Variants in ARHGEF40 observed in about 807,000 individuals in gnomAD.
The protein encoded by ARHGEF40 is Rho guanine nucleotide exchange factor 40.
Under a neutral mutation model 165.9 loss-of-function variants are expected in ARHGEF40, and 98 were observed. The observed-to-expected ratio is 0.59, with a 90% CI of 0.50 to 0.70. The LOEUF is 0.70. ARHGEF40 is among the 30% of genes least tolerant of loss of function. The pLI, the probability that ARHGEF40 is intolerant of heterozygous loss-of-function variation, is 0.00. For synonymous variants in ARHGEF40, 792 were observed against 814.3 expected, an observed-to-expected ratio of 0.97 and a Z score of 0.47; for missense variants, 1,815 against 1,968.0, an observed-to-expected ratio of 0.92 and a Z score of 1.47.
upstream of ARHGEF40, among the ~76,000 whole-genome samples, chr14:21,068,637 C>T (rs1886420318): frequency 6.6e-6 from 1 of 152,148 alleles, no homozygotes. Flanking sequence ...AAATCTCACT[C>T]TCCTAGCTCG....
intron 18 of ARHGEF40, 48 bp downstream of exon 18, chr14:21,084,971 T>A: frequency 6.3e-7 from 1 of 1,587,188 alleles, no homozygotes; most frequent in Non-Finnish European, 8.6e-7. Flanking sequence ...GTCATTCTCT[T>A]CTTGAGAACT....
At chr14:21,082,575 C>G in intron 15 of ARHGEF40, 97 bp downstream of exon 15, 1 of 1,348,806 alleles carries the variant, frequency 7.4e-7, no homozygotes, top group Non-Finnish European at 9.9e-7. Context: ...CCCTCTCCTC[C>G]CATGTGTGGT....
chr14:21,088,178 C>G lies in ARHGEF40; in HGVS notation c.4518+80C>G, dbSNP rs1305312558. The stretch of plus-strand genomic sequence containing the variant: ...ATGGGCTTTTCTGATCATTCAACCC[C>G]AGGGGGGTTGGGGGAAAACTGTGAA... On this transcript the variant is annotated intron_variant, in intron 22 of 23. Coordinates refer to ENST00000298694, the MANE Select transcript of ARHGEF40 (RefSeq NM_018071.5). 2.0e-6 allele frequency: 3 copies of G among 1,498,110 alleles called. No individual in the cohort carries two copies. In the East Asian group the frequency reaches 7.1e-5, roughly 35 times the overall value. 92.8% of individuals were successfully genotyped at this position (1,498,110 alleles called of 1,614,324 possible). A position where few individuals can be genotyped will look rare whatever the true frequency, so the allele number is the denominator to read the frequency against.
chr14:21,072,938 T>C lies in ARHGEF40; in HGVS notation c.4-107T>C. ...GAGTGCTCACTTTTTGCCCACATTGTACAATCGGGGCTTTGGAGAACACAG... is the reference window on the plus strand; with the variant it reads ...GAGTGCTCACTTTTTGCCCACATTGCACAATCGGGGCTTTGGAGAACACAG... On this transcript the variant is annotated intron_variant, in intron 1 of 23. Coordinates refer to ENST00000298694, the MANE Select transcript of ARHGEF40 (RefSeq NM_018071.5). The surrounding 1 kb of genome is among the most constrained non-coding windows in gnomAD (Gnocchi z 4.1). 3 of 1,173,656 alleles carry C rather than the reference T, an allele frequency of 2.6e-6. No individual in the cohort carries two copies. The highest frequency in any genetic ancestry group is 3.6e-6 in the Non-Finnish European group (3 of 822,294). The allele number at this position is 1,173,656 out of a possible 1,614,324, so 72.7% of individuals were successfully genotyped here. A position where few individuals can be genotyped will look rare whatever the true frequency, so the allele number is the denominator to read the frequency against.
rs893330864 is a variant in ARHGEF40, at chr14:21,081,799, G to T, written c.2931G>T (p.Gly977=). The part of the protein sequence containing the change: ...RRRADGASSG[G]AQWGPRSPSP... ...GGGCAGACGGTGCCAGCAGTGGAGG[G>T]GCCCAGTGGGGGCCCCGCAGCCCCT... Residue 977 remains glycine (G), a synonymous_variant, in exon 14 of 24, where the codon GGG becomes GGT. Transcript: ENST00000298694. The T allele has an allele frequency of 5.0e-6, 8 of 1,600,360 alleles. No homozygotes were observed. In the African/African-American group the frequency reaches 8.1e-5, roughly 16 times the overall value.
chr14:21,074,070 G>A lies in ARHGEF40; in HGVS notation c.340G>A (p.Ala114Thr). The A allele has an allele frequency of 6.2e-7, 1 of 1,614,134 alleles. No individual in the cohort carries two copies. Among genetic ancestry groups the A allele is most frequent in the South Asian group, 1.1e-5 (1 of 91,086 alleles). ...CTATCTGCAGGTGGTGCCCTCAGCT[G>A]CCCAAGCACCCCGACTAGCACTCAA... ...DFYLQVVPSA[A>T]QAPRLALKCL... Residue 114 changes from alanine (A) to threonine (T), a missense_variant, in exon 3 of 24, where the codon GCC (alanine) becomes ACC (threonine). Ala to Thr is a moderately conservative substitution (Grantham distance 58, BLOSUM62 0). Coordinates refer to ENST00000298694, the MANE Select transcript of ARHGEF40 (RefSeq NM_018071.5). The surrounding 1 kb of genome is among the most constrained non-coding windows in gnomAD (Gnocchi z 4.8).
chr14:21,078,854 A>C, intron 10 of ARHGEF40, 30 bp from the exon 11 acceptor site: 1 of 1,601,522 alleles, frequency 6.2e-7, no homozygotes, highest in Non-Finnish European at 8.6e-7. Flanking sequence ...AACAAGGGAA[A>C]TGATTCATTC....
rs747859875 is a variant in ARHGEF40 at position 21,082,095 on chromosome 14, G to A, written c.3227G>A (p.Arg1076Gln). Residue 1076 changes from arginine to glutamine, a missense_variant, in exon 14 of 24, where the codon CGG becomes CAG. By Grantham distance (43) the Arg-to-Gln change is conservative. Transcript: ENST00000298694. ...GGACCCTGGGGAGTAGGCACCCCCC[G>A]GATGGAGCGCAAGCGAAGCATCAGG... ...PDGPWGVGTPRMERKRSISAQ... is the reference protein window; with the variant it reads ...PDGPWGVGTPQMERKRSISAQ... 1.5e-5 allele frequency: 24 copies of A among 1,562,162 alleles called. No homozygotes were observed. The highest frequency in any genetic ancestry group is 1.6e-5 in the Non-Finnish European group (19 of 1,153,310).
At chr14:21,083,715 G>A in intron 16 of ARHGEF40, 120 bp from the exon 17 acceptor site, 2 of 854,960 alleles carry the variant, frequency 2.3e-6, no homozygotes, top group Non-Finnish European at 3.5e-6. Context: ...ACTTTAGGGA[G>A]CATCTGGGCT....
chr14:21,082,798 C>G (rs137962557), intron 15 of ARHGEF40, 33 bp from the exon 16 acceptor site: 14 of 1,605,016 alleles, frequency 8.7e-6, no homozygotes, highest in Admixed American at 8.4e-5. Flanking sequence ...GCGGCCTCAC[C>G]GGGGACTCCT....
chr14:21,076,766 C>T lies in ARHGEF40; in HGVS notation c.1918-8C>T, dbSNP rs377061412. The stretch of plus-strand genomic sequence containing the variant: ...CCAGGAAGAAACCCCCTGCCTTACC[C>T]TCTACAGGGTGCTGAGGTGCTGTCA... On this transcript the variant is annotated splice_region_variant and splice_polypyrimidine_tract_variant and intron_variant, in intron 7 of 23. Coordinates refer to ENST00000298694, the MANE Select transcript of ARHGEF40 (RefSeq NM_018071.5). 1.1e-4 allele frequency: 179 copies of T among 1,613,876 alleles called. No individual in the cohort carries two copies. In the African/African-American group the frequency reaches 2.1e-3, roughly 19 times the overall value.
At chr14:21,084,097 G>T in intron 17 of ARHGEF40, 47 bp downstream of exon 17, 1 of 1,529,540 alleles carries the variant, frequency 6.5e-7, no homozygotes, top group Non-Finnish European at 8.8e-7. Flanking sequence ...CCCAGCCCTG[G>T]CCTCAGAAGC....
Position 21,070,465 on chromosome 14 carries a change from G to C in ARHGEF40, c.3+66G>C, listed in dbSNP as rs1886642732. The C allele has an allele frequency of 1.5e-6, 2 of 1,346,248 alleles. No homozygotes were observed. The highest frequency in any genetic ancestry group is 1.9e-6 in the Non-Finnish European group (2 of 1,054,476). The allele number at this position is 1,346,248 out of a possible 1,614,324, so 83.4% of individuals were successfully genotyped here. On this transcript the variant is annotated intron_variant, in intron 1 of 23. Transcript: ENST00000298694. The surrounding 1 kb of genome is among the most constrained non-coding windows in gnomAD (Gnocchi z 4.7). ...CGCGCAGCCCGCTCCGGGCCCCCAA[G>C]TCCTCAGCCTGGTGCCTCCCGAGCC...
chr14:21,073,198 G>A lies in ARHGEF40; in HGVS notation c.157G>A (p.Val53Ile). The A allele has an allele frequency of 3.1e-6, 5 of 1,613,856 alleles. No individual in the cohort carries two copies. The highest frequency in any genetic ancestry group is 4.2e-6 in the Non-Finnish European group (5 of 1,179,926). Residue 53 changes from valine (V) to isoleucine (I), a missense_variant, in exon 2 of 24, where the codon GTA becomes ATA. Coordinates refer to ENST00000298694, the MANE Select transcript of ARHGEF40 (RefSeq NM_018071.5). This position sits in a 1 kb window ranked among gnomAD's most constrained non-coding sequence, Gnocchi z 4.6. ...ACTGAGGTACACGCTGGACTTCCTG[G>A]TACCAGCCAAGCACCTGCTTGCCAA... ...DALRYTLDFL[V>I]PAKHLLAKVQ...
upstream of ARHGEF40, among the ~76,000 whole-genome samples, chr14:21,065,622 A>G (rs769007384): frequency 5.3e-5 from 8 of 152,222 alleles, no homozygotes; most frequent in Non-Finnish European, 1.0e-4. Context: ...TGGGTGAGAG[A>G]CCACTTTAGA....
In ARHGEF40 at chr14:21,073,472, C is replaced by T. The variant is rs1887145327; in HGVS notation, c.201+230C>T. Among the ~76,000 whole-genome samples, 1 of 151,882 alleles carries T rather than the reference C, an allele frequency of 6.6e-6. No individual in the cohort carries two copies. Among genetic ancestry groups the T allele is most frequent in the South Asian group, 2.1e-4 (1 of 4,798 alleles). On this transcript the variant is annotated intron_variant, in intron 2 of 23. Coordinates refer to ENST00000298694, the MANE Select transcript of ARHGEF40 (RefSeq NM_018071.5). This position sits in a 1 kb window ranked among gnomAD's most constrained non-coding sequence, Gnocchi z 4.6. ...CACACACACACACATTCATCTTCCC[C>T]AAATTCATCTTGACCCCAATACTGA...
the ARHGEF40 span, among the ~76,000 whole-genome samples, chr14:21,063,621 C>T: frequency 2.0e-5 from 3 of 152,168 alleles, no homozygotes; most frequent in Non-Finnish European, 4.4e-5. Flanking sequence ...AATGACTTCA[C>T]GCTGTTGGAA....
chr14:21,070,742 G>C lies in ARHGEF40; in HGVS notation c.3+343G>C, dbSNP rs1240737301. The C allele has an allele frequency of 1.4e-6, 2 of 1,431,118 alleles. No homozygotes were observed. The highest frequency in any genetic ancestry group is 1.9e-6 in the Non-Finnish European group (2 of 1,054,428). 88.7% of individuals were successfully genotyped at this position (1,431,118 alleles called of 1,614,324 possible). A position where few individuals can be genotyped will look rare whatever the true frequency, so the allele number is the denominator to read the frequency against. On this transcript the variant is annotated intron_variant, in intron 1 of 23. Transcript: ENST00000298694. The surrounding 1 kb of genome is among the most constrained non-coding windows in gnomAD (Gnocchi z 4.7). ...GGAGCTTCCCTCCCCCTCCTGGTCC[G>C]AGCTCCTTACCCGCGGGAGACCCCT... is the stretch of plus-strand genomic sequence containing the variant.
At chr14:21,062,708 A>AGTGGGTGTGTGTGTGT in the ARHGEF40 span, among the ~76,000 whole-genome samples, 1 of 130,978 alleles carries the variant, frequency 7.6e-6, no homozygotes, top group African/African-American at 3.0e-5. Context: ...GGCTGGGCAC[A>AGTGGGTGTGTGTGTGT]GTGTGTGTGT....
Sources: gnomAD v4.1 joint callset for allele counts (sites outside exome capture counted in the v4.1 genomes callset) on GRCh38, gnomAD v4.1.1 for gene constraint, Gnocchi (gnomAD v3.1) non-coding constraint, MANE v1.5 for transcripts, NCBI Gene and HGNC (gene_info 2026-07-23, HGNC 2026-07-21) for gene names.